Variants in SLC26A8 observed in about 807,000 individuals in gnomAD.
The protein encoded by SLC26A8 is testis anion transporter 1.
SLC26A8 carries 70 observed loss-of-function variants against 105.0 expected under a neutral mutation model. The ratio of observed to expected loss-of-function variants is 0.67; its 90% CI spans 0.55 to 0.81. The LOEUF is 0.81. Ranked by LOEUF, SLC26A8 falls within the 40% of genes least tolerant of loss-of-function variation. The probability of loss-of-function intolerance (pLI) is 0.00; values close to 1 mark genes in which losing one functional copy is unlikely to be tolerated. For synonymous variants in SLC26A8, 415 were observed against 438.3 expected (o/e 0.95, Z 0.66); for missense variants, 998 against 1,181.8 (o/e 0.84, Z 2.28).
At chr6:35,956,263 G>A (rs536998281) in intron 16 of SLC26A8, among the ~76,000 whole-genome samples, 3 of 150,794 alleles carry the variant, frequency 2.0e-5, no homozygotes, top group East Asian at 3.9e-4. Flanking sequence ...AGACCCTGTC[G>A]TGCCCCCCTG....
Position 36,010,457 on chromosome 6 carries a change from T to C in SLC26A8, c.328+1776A>G, listed in dbSNP as rs563201690. 7.9e-5 allele frequency among the ~76,000 whole-genome samples: 12 copies of C among 151,828 alleles called. No homozygotes were observed. In the East Asian group the frequency reaches 1.9e-3, roughly 25 times the overall value. ...TGGGGGGTATGTGGCTTAAAAAGCA[T>C]GGCATGAGAGAGTTCTGGAGGTGAT... On this transcript the variant is annotated intron_variant, in intron 3 of 19. Transcript: ENST00000490799.
At chr6:35,988,946 T>C (rs1773641797) in intron 7 of SLC26A8, among the ~76,000 whole-genome samples, 2 of 149,822 alleles carry the variant, frequency 1.3e-5, no homozygotes. Context: ...GTTCATACCA[T>C]TCTCCTGCCT....
chr6:35,950,249 A>C lies in SLC26A8; in HGVS notation c.2472+914T>G, dbSNP rs530366404. 8.6e-5 allele frequency among the ~76,000 whole-genome samples: 13 copies of C among 151,258 alleles called. No individual in the cohort carries two copies. In the South Asian group the frequency reaches 2.7e-3, roughly 32 times the overall value. On this transcript the variant is annotated intron_variant, in intron 19 of 19. Transcript: ENST00000490799. Reference sequence around the variant, plus strand: ...TTTTGTTTTTGGAAACCTTTAACCTACACAGGTACTGATTTGAAAATGCTA... The same window carrying C: ...TTTTGTTTTTGGAAACCTTTAACCTCCACAGGTACTGATTTGAAAATGCTA...
At position 36,010,432 on chromosome 6, in the gene SLC26A8, T is replaced by TG. The variant is rs372541955; in HGVS notation, c.328+1800dup. Among the ~76,000 whole-genome samples the TG allele has an allele frequency of 3.6e-4, 55 of 151,870 alleles. No homozygotes were observed. The South Asian group carries it at 8.1e-3, about 22-fold the overall frequency. ...TCAATGGTTGCTAGGGGTTATAGAT[T>TG]GGGGGGTATGTGGCTTAAAAAGCAT... On this transcript the variant is annotated intron_variant, in intron 3 of 19. Coordinates refer to ENST00000490799, the MANE Select transcript of SLC26A8 (RefSeq NM_052961.4).
At chr6:35,983,878 T>C (rs1428256532) in intron 7 of SLC26A8, among the ~76,000 whole-genome samples, 2 of 152,104 alleles carry the variant, frequency 1.3e-5, no homozygotes, top group African/African-American at 4.8e-5. Context: ...TAAGTACAGA[T>C]TGATAGATGT....
In SLC26A8 at chr6:35,992,615, C is replaced by T; in HGVS notation, c.687G>A (p.Met229Ile). 1 of 1,614,036 alleles carries T rather than the reference C, an allele frequency of 6.2e-7. No homozygotes were observed. Among genetic ancestry groups the T allele is most frequent in the Non-Finnish European group, 8.5e-7 (1 of 1,179,970 alleles). ...GTGCCACAGCAGCCAGGTAAGCACT[C>T]ATTGCAGACTCCGGAAGGTAAGTGG... ...FIATYLPESA[M>I]SAYLAAVALH... The change falls in exon 6 of 20, where the codon ATG (methionine) becomes ATA (isoleucine). Residue 229 changes from methionine to isoleucine, a missense_variant. Physicochemically the swap from Met to Ile is conservative, Grantham distance 10. Coordinates refer to ENST00000490799, the MANE Select transcript of SLC26A8 (RefSeq NM_052961.4).
intron 2 of SLC26A8, among the ~76,000 whole-genome samples, chr6:36,016,799 CAT>C (rs1438018764): frequency 6.6e-6 from 1 of 152,098 alleles, no homozygotes; most frequent in Non-Finnish European, 1.5e-5. Context: ...TATATACAAA[CAT>C]TAATTCAAAA....
In SLC26A8 at chr6:35,992,597, A is replaced by G; in HGVS notation, c.705T>C (p.Ala235=). ...PESAMSAYLA[A]VALHIMLSQL... is the part of the protein sequence containing the mutation. Reference sequence around the variant, plus strand: ...GGGACAGCATGATATGAAGTGCCACAGCAGCCAGGTAAGCACTCATTGCAG... The same window carrying G: ...GGGACAGCATGATATGAAGTGCCACGGCAGCCAGGTAAGCACTCATTGCAG... The change falls in exon 6 of 20, where the codon GCT becomes GCC. Residue 235 remains alanine, a synonymous_variant. Coordinates refer to ENST00000490799, the MANE Select transcript of SLC26A8 (RefSeq NM_052961.4). The G allele has an allele frequency of 6.2e-7, 1 of 1,614,204 alleles. No individual in the cohort carries two copies. The highest frequency in any genetic ancestry group is 8.5e-7 in the Non-Finnish European group (1 of 1,180,020).
In SLC26A8 at chr6:35,966,879, C is replaced by T. The variant is rs531971966; in HGVS notation, c.1365+1998G>A. 2.6e-5 allele frequency among the ~76,000 whole-genome samples: 4 copies of T among 152,242 alleles called. No homozygotes were observed. The South Asian group carries it at 6.2e-4, about 24-fold the overall frequency. On this transcript the variant is annotated intron_variant, in intron 11 of 19. Transcript: ENST00000490799. ...AAAGCAAGGGCTGTTCTGTCCCCAA[C>T]GTGTTTATAATAAAGGAGTCCCAAA...
At position 35,955,323 on chromosome 6, in the gene SLC26A8, A is replaced by T; in HGVS notation, c.2061T>A (p.Asn687Lys). 6.2e-7 allele frequency: 1 copy of T among 1,614,154 alleles called. No individual in the cohort carries two copies. Residue 687 changes from asparagine to lysine, a missense_variant, in exon 17 of 20, where the codon AAT becomes AAA. Physicochemically the swap from Asn to Lys is moderately conservative, Grantham distance 94. Coordinates refer to ENST00000490799, the MANE Select transcript of SLC26A8 (RefSeq NM_052961.4). ...CTGGTGAGCTGTTTCTTGATGAGTT[A>T]TTAGGAAGCCAAACTTCCTCCACCT... ...YEEVEEVWLP[N>K]NSSRNSSPGL...
At position 35,944,022 on chromosome 6, in the gene SLC26A8, T is replaced by C; in HGVS notation, c.2791A>G (p.Met931Val). 1.9e-6 allele frequency: 3 copies of C among 1,614,122 alleles called. No individual in the cohort carries two copies. Among genetic ancestry groups the C allele is most frequent in the Non-Finnish European group, 2.5e-6 (3 of 1,180,006 alleles). ...HTFPQQRYWP[M>V]YHPSMASTQS... ...GTGGAAGCCATAGACGGATGATACA[T>C]AGGCCAGTAACGCTGCTGAGGAAAA... Residue 931 changes from methionine (M) to valine (V), a missense_variant, in exon 20 of 20, where the codon ATG becomes GTG. By Grantham distance (21) the Met-to-Val change is conservative. Transcript: ENST00000490799.
chr6:35,946,711 C>T (rs145738041), intron 19 of SLC26A8, among the ~76,000 whole-genome samples: 6 of 151,564 alleles, frequency 4.0e-5, no homozygotes, highest in African/African-American at 7.3e-5. Context: ...TTTTTTTGAC[C>T]GGGTCTTACT....
chr6:35,962,673 C>G, intron 11 of SLC26A8, 52 bp from the exon 12 acceptor site: 1 of 1,541,658 alleles, frequency 6.5e-7, no homozygotes, highest in Non-Finnish European at 8.9e-7. Flanking sequence ...GTGTAAAACT[C>G]ACAAATCCCC....
intron 19 of SLC26A8, among the ~76,000 whole-genome samples, chr6:35,947,638 A>G (rs1284310878): frequency 6.6e-6 from 1 of 152,182 alleles, no homozygotes; most frequent in African/African-American, 2.4e-5. Flanking sequence ...GTTAGAAAAT[A>G]TAATGGAAAT....
chr6:35,946,897 C>T (rs576257404), intron 19 of SLC26A8, among the ~76,000 whole-genome samples: 7 of 151,878 alleles, frequency 4.6e-5, no homozygotes, highest in Non-Finnish European at 1.0e-4. Flanking sequence ...ACTATGTTGT[C>T]CAGGTTGCTC....
chr6:36,007,638 GA>G (rs933003565), intron 3 of SLC26A8, among the ~76,000 whole-genome samples: 1 of 151,762 alleles, frequency 6.6e-6, no homozygotes, highest in East Asian at 1.9e-4. Flanking sequence ...AACAATTTTG[GA>G]AAAAAAATTA....
chr6:35,957,472 T>C (rs1397669437), intron 16 of SLC26A8, among the ~76,000 whole-genome samples: 1 of 151,982 alleles, frequency 6.6e-6, no homozygotes, highest in African/African-American at 2.4e-5. Context: ...ATGCTGCAGT[T>C]TGCAGTTCAA....
chr6:36,003,791 A>T (rs541190216), intron 3 of SLC26A8, among the ~76,000 whole-genome samples: 4 of 151,638 alleles, frequency 2.6e-5, no homozygotes, highest in Admixed American at 2.0e-4. Context: ...CCTCCTGAGT[A>T]GCTGGGATTA....
chr6:35,949,966 C>T (rs193080062), intron 19 of SLC26A8, among the ~76,000 whole-genome samples: 60 of 151,742 alleles, frequency 4.0e-4, no homozygotes, highest in African/African-American at 1.2e-3. Flanking sequence ...CCACCACGCC[C>T]GGCTAATTTT....
Sources: gnomAD v4.1 joint callset for allele counts (sites outside exome capture counted in the v4.1 genomes callset) on GRCh38, gnomAD v4.1.1 for gene constraint, MANE v1.5 for transcripts, NCBI Gene and HGNC (gene_info 2026-07-23, HGNC 2026-07-21) for gene names.